DAP: variants seen among roughly 807,000 people sequenced by gnomAD.
The protein encoded by DAP is death associated protein.
DAP carries 8 observed loss-of-function variants against 13.8 expected under a neutral mutation model. That is an observed-to-expected ratio of 0.58 (90% CI 0.34 to 1.05). The LOEUF (loss-of-function observed/expected upper bound fraction) is 1.05. Among genes scored for constraint, DAP ranks in the 50% least tolerant of loss-of-function variants. The pLI is 0.03. For synonymous variants in DAP, 47 were observed against 47.5 expected (o/e 0.99, Z 0.04); for missense variants, 106 against 133.2 (o/e 0.80, Z 1.01).
chr5:10,686,330 A>T (rs1296099542), intron 2 of DAP, among the ~76,000 whole-genome samples: 1 of 152,216 alleles, frequency 6.6e-6, no homozygotes, highest in Non-Finnish European at 1.5e-5. Context: ...AGTGAAAGGA[A>T]GAGTTGCATG....
intron 2 of DAP, among the ~76,000 whole-genome samples, chr5:10,721,291 T>C (rs954461632): frequency 2.0e-5 from 3 of 152,196 alleles, no homozygotes; most frequent in African/African-American, 7.2e-5. Context: ...GGCAAAATTT[T>C]TGCTTCCTGT....
intron 2 of DAP, among the ~76,000 whole-genome samples, chr5:10,721,297 C>T (rs1042833576): frequency 1.3e-5 from 2 of 152,218 alleles, no homozygotes; most frequent in African/African-American, 4.8e-5. Flanking sequence ...ATTTTTGCTT[C>T]CTGTTCCCAC....
intron 2 of DAP, among the ~76,000 whole-genome samples, chr5:10,702,490 T>C (rs1473976179): frequency 6.6e-6 from 1 of 152,170 alleles, no homozygotes; most frequent in African/African-American, 2.4e-5. Flanking sequence ...AATGGGCCCT[T>C]CCTCCAGCTT....
rs1202583147 is a variant in DAP, at chr5:10,748,280, A to C, written c.56-9T>G. 1.9e-6 allele frequency: 3 copies of C among 1,611,486 alleles called. No homozygotes were observed. In the African/African-American group the frequency reaches 4.0e-5, roughly 22 times the overall value. ...CATTCCACCAGCTTTCACTGAAATG[A>C]AAACAGAGAGTGTGGGATTAATGTG... is the stretch of plus-strand genomic sequence containing the variant. On this transcript the variant is annotated splice_polypyrimidine_tract_variant and intron_variant, in intron 1 of 3. Transcript: ENST00000230895.
intron 1 of DAP, among the ~76,000 whole-genome samples, chr5:10,748,758 C>A (rs1739974169): frequency 6.6e-6 from 1 of 152,254 alleles, no homozygotes; most frequent in African/African-American, 2.4e-5. Context: ...ACTTCTACTG[C>A]AGCTTTGCCC....
At chr5:10,735,098 A>C (rs572744833) in intron 2 of DAP, among the ~76,000 whole-genome samples, 1 of 152,332 alleles carries the variant, frequency 6.6e-6, no homozygotes, top group African/African-American at 2.4e-5. Flanking sequence ...ATATATCCCA[A>C]GTGCCTCAAA....
rs543212564 is a variant in DAP, at chr5:10,681,491, G to A, written c.196-322C>T. 3.3e-5 allele frequency among the ~76,000 whole-genome samples: 5 copies of A among 149,260 alleles called. No individual in the cohort carries two copies. The South Asian group carries it at 6.5e-4, about 19-fold the overall frequency. On this transcript the variant is annotated intron_variant, in intron 3 of 3. Coordinates refer to ENST00000230895, the MANE Select transcript of DAP (RefSeq NM_004394.3). ...AACGTCCAGGCCAGCGCCCATCAACGTCCCTGCAGGAAGCATGGTGTTTGT... is the reference window on the plus strand; with the variant it reads ...AACGTCCAGGCCAGCGCCCATCAACATCCCTGCAGGAAGCATGGTGTTTGT...
intron 2 of DAP, among the ~76,000 whole-genome samples, chr5:10,721,357 C>T (rs200683032): frequency 4.4e-4 from 67 of 152,212 alleles, no homozygotes; most frequent in Non-Finnish European, 8.2e-4. Flanking sequence ...GGGAGGAACG[C>T]GGCTACCAGG....
chr5:10,739,075 G>A lies in DAP; in HGVS notation c.152+9100C>T, dbSNP rs1031717350. 2.0e-5 allele frequency among the ~76,000 whole-genome samples: 3 copies of A among 152,038 alleles called. No homozygotes were observed. The East Asian group carries it at 5.8e-4, about 29-fold the overall frequency. ...AAATTAGCCGAACGTGGTGGCATGT[G>A]CCTGTAGTCCCAGCTGCTGGGGAGG... On this transcript the variant is annotated intron_variant, in intron 2 of 3. Transcript: ENST00000230895.
At chr5:10,751,056 C>T (rs1306924994) in intron 1 of DAP, among the ~76,000 whole-genome samples, 4 of 152,192 alleles carry the variant, frequency 2.6e-5, no homozygotes, top group South Asian at 4.1e-4. Context: ...TGACACAGTC[C>T]GGCTTCCTGG....
chr5:10,737,768 C>T (rs549184147), intron 2 of DAP, among the ~76,000 whole-genome samples: 5 of 152,302 alleles, frequency 3.3e-5, no homozygotes, highest in Middle Eastern at 3.4e-3. Flanking sequence ...GACTTGTGTC[C>T]TCCAAAAAAG....
At chr5:10,692,117 A>C (rs937491881) in intron 2 of DAP, among the ~76,000 whole-genome samples, 9 of 152,218 alleles carry the variant, frequency 5.9e-5, no homozygotes, top group African/African-American at 1.2e-4. Context: ...GAAAGGGCTG[A>C]GAAACCCAAA....
At chr5:10,718,876 C>T (rs998447357) in intron 2 of DAP, among the ~76,000 whole-genome samples, 1 of 152,238 alleles carries the variant, frequency 6.6e-6, no homozygotes, top group African/African-American at 2.4e-5. Context: ...GGCTTTGTGT[C>T]ATAATCTTAT....
chr5:10,686,459 T>G (rs72643802), intron 2 of DAP, among the ~76,000 whole-genome samples: 13,777 of 152,138 alleles, frequency 0.091, 822 homozygotes, highest in East Asian at 0.29. Flanking sequence ...AAGGAAGAGT[T>G]ATGGGAGAAA....
intron 2 of DAP, among the ~76,000 whole-genome samples, chr5:10,726,537 G>A (rs1399059854): frequency 1.3e-5 from 2 of 152,222 alleles, no homozygotes; most frequent in African/African-American, 2.4e-5. Flanking sequence ...GTCACACAGA[G>A]GAGGCAGAGG....
In DAP at chr5:10,761,169, G is replaced by C. The variant is rs905778966; in HGVS notation, c.-101C>G. On this transcript the variant is annotated 5_prime_UTR_variant, in exon 1 of 4. Transcript: ENST00000230895. The stretch of plus-strand genomic sequence containing the variant: ...GGTGTGAGCGCCGGGGAGCGAGCGG[G>C]CGGGAGAACGACGCGCGCGCGTGGG... 1 of 645,512 alleles carries C rather than the reference G, an allele frequency of 1.5e-6. No individual in the cohort carries two copies. 40.0% of individuals were successfully genotyped at this position (645,512 alleles called of 1,614,324 possible).
At chr5:10,682,396 G>A (rs1738041685) in intron 3 of DAP, among the ~76,000 whole-genome samples, 1 of 150,958 alleles carries the variant, frequency 6.6e-6, no homozygotes, top group African/African-American at 2.4e-5. Context: ...GAAGCATGGG[G>A]TTTGTGGGTG....
chr5:10,690,266 T>A (rs923365608), intron 2 of DAP, among the ~76,000 whole-genome samples: 6 of 151,988 alleles, frequency 3.9e-5, no homozygotes, highest in African/African-American at 1.5e-4. Context: ...CAGTCCAAGC[T>A]CTCCCTCCCT....
chr5:10,695,243 C>A lies in DAP; in HGVS notation c.153-11672G>T, dbSNP rs192527581. Among the ~76,000 whole-genome samples, 3 of 152,302 alleles carry A rather than the reference C, an allele frequency of 2.0e-5. No individual in the cohort carries two copies. The East Asian group carries it at 5.8e-4, about 29-fold the overall frequency. On this transcript the variant is annotated intron_variant, in intron 2 of 3. Transcript: ENST00000230895. The stretch of plus-strand genomic sequence containing the variant: ...ACAACATTTCCACAAGATGGCACTG[C>A]TGGTCCTCTCAGCCCGCGAACGCTC...
Sources: gnomAD v4.1 joint callset for allele counts (sites outside exome capture counted in the v4.1 genomes callset) on GRCh38, gnomAD v4.1.1 for gene constraint, MANE v1.5 for transcripts, NCBI Gene and HGNC (gene_info 2026-07-23, HGNC 2026-07-21) for gene names.